The following CTNNA1 variants were observed in gnomAD, a reference collection of about 807,000 sequenced individuals.
CTNNA1 encodes the protein catenin alpha 1.
CTNNA1 carries 37 observed loss-of-function variants against 98.4 expected under a neutral mutation model. The ratio of observed to expected loss-of-function variants is 0.38; its 90% confidence interval spans 0.29 to 0.49. The LOEUF (loss-of-function observed/expected upper bound fraction) is 0.49. Ranked by LOEUF, CTNNA1 falls within the 20% of genes least tolerant of loss-of-function variation. The pLI, the probability that CTNNA1 is intolerant of heterozygous loss-of-function variation, is 0.95. For missense variants in CTNNA1, 761 were observed against 1,147.2 expected (o/e 0.66, Z 4.86); for synonymous variants, 404 against 413.2 (o/e 0.98, Z 0.27).
At chr5:138,852,592 GACTTA>G (rs902999340) in intron 7 of CTNNA1, among the ~76,000 whole-genome samples, 17 of 152,084 alleles carry the variant, frequency 1.1e-4, no homozygotes, top group African/African-American at 3.4e-4. Flanking sequence ...TAAGAAATTA[GACTTA>G]ACTTTAACAT....
chr5:138,934,129 GA>G lies in CTNNA1; in HGVS notation c.*42del. ...GCCGCCCCCACCCCTCGGGGCTCCT[GA>G]ATATCAGTCACTGTTCGTCACTCAA... On this transcript the variant is annotated 3_prime_UTR_variant, in exon 18 of 18. Transcript: ENST00000302763. 6.7e-7 allele frequency: 1 copy of G among 1,497,416 alleles called. No individual in the cohort carries two copies. Among genetic ancestry groups the G allele is most frequent in the Non-Finnish European group, 9.2e-7 (1 of 1,089,326 alleles). The allele number at this position is 1,497,416 out of a possible 1,614,324, so 92.8% of individuals were successfully genotyped here. A position where few individuals can be genotyped will look rare whatever the true frequency, so the allele number is the denominator to read the frequency against.
chr5:138,827,603 C>T lies in CTNNA1; in HGVS notation c.947C>T (p.Ala316Val), dbSNP rs1161812904. 1.2e-6 allele frequency: 2 copies of T among 1,614,218 alleles called. No individual in the cohort carries two copies. The highest frequency in any genetic ancestry group is 1.7e-6 in the Non-Finnish European group (2 of 1,180,050). Reference protein sequence around the residue: ...EERLESIISGAALMADSSCTR... With the variant: ...EERLESIISGVALMADSSCTR... ...CGTCTGGAAAGCATCATTAGTGGGG[C>T]TGCCTTGATGGCCGACTCGTCCTGC... The change falls in exon 7 of 18, where the codon GCT becomes GTT. Residue 316 changes from alanine to valine, a missense_variant. Physicochemically the swap from Ala to Val is moderately conservative, Grantham distance 64. Coordinates refer to ENST00000302763, the MANE Select transcript of CTNNA1 (RefSeq NM_001903.5).
chr5:138,801,481 T>C (rs1191010267), intron 3 of CTNNA1, among the ~76,000 whole-genome samples: 2 of 152,230 alleles, frequency 1.3e-5, no homozygotes, highest in African/African-American at 4.8e-5. Context: ...AATATGCTTA[T>C]TGAACAAAAT....
chr5:138,825,981 T>C (rs1007756016), intron 6 of CTNNA1, among the ~76,000 whole-genome samples: 1 of 152,198 alleles, frequency 6.6e-6, no homozygotes, highest in Non-Finnish European at 1.5e-5. Flanking sequence ...GCTACTTAAC[T>C]TCTCAGGGAC....
chr5:138,872,230 T>G (rs191042696), intron 7 of CTNNA1: 7 of 152,744 alleles, frequency 4.6e-5, no homozygotes, highest in Non-Finnish European at 1.0e-4. Context: ...TTAAAACAGT[T>G]GTCTAAATGC....
intron 4 of CTNNA1, 143 bp downstream of exon 4, chr5:138,810,347 C>A (rs1758553980): frequency 4.9e-6 from 4 of 812,536 alleles, no homozygotes; most frequent in Admixed American, 5.3e-5. Context: ...TGTTTAATTT[C>A]CACTTACTCC....
intron 7 of CTNNA1, among the ~76,000 whole-genome samples, chr5:138,882,490 T>C (rs1203051976): frequency 6.6e-6 from 1 of 152,202 alleles, no homozygotes; most frequent in Non-Finnish European, 1.5e-5. Flanking sequence ...GATCTTTCAA[T>C]GTAGGGCACT....
intron 5 of CTNNA1, among the ~76,000 whole-genome samples, chr5:138,823,956 C>CAAAAAAAAAAAAAAAAAAAA (rs369653057): frequency 1.6e-5 from 1 of 64,392 alleles, no homozygotes; most frequent in Non-Finnish European, 3.0e-5. Context: ...GACTCCGTCT[C>CAAAAAAAAAAAAAAAAAAAA]AAAAAAAAAA....
intron 3 of CTNNA1, among the ~76,000 whole-genome samples, chr5:138,797,460 A>T (rs1022145604): frequency 6.6e-6 from 1 of 152,140 alleles, no homozygotes; most frequent in African/African-American, 2.4e-5. Flanking sequence ...AATGAAAATC[A>T]TTTCCATTAA....
At chr5:138,906,046 C>T (rs982024860) in intron 10 of CTNNA1, among the ~76,000 whole-genome samples, 1 of 150,758 alleles carries the variant, frequency 6.6e-6, no homozygotes, top group African/African-American at 2.4e-5. Context: ...TAATCCCTGA[C>T]ATTCAAGGTA....
intron 7 of CTNNA1, among the ~76,000 whole-genome samples, chr5:138,858,752 C>T (rs1052453377): frequency 1.1e-4 from 17 of 152,016 alleles, no homozygotes; most frequent in African/African-American, 2.7e-4. Flanking sequence ...CCTGCCACCA[C>T]GCCCAGCTAA....
At chr5:138,913,566 A>G (rs1272614191) in intron 10 of CTNNA1, among the ~76,000 whole-genome samples, 4 of 148,548 alleles carry the variant, frequency 2.7e-5, no homozygotes, top group Admixed American at 1.3e-4. Flanking sequence ...CCTGGGCGAT[A>G]GAGGGAGACC....
chr5:138,865,987 C>T (rs911716941), intron 7 of CTNNA1, among the ~76,000 whole-genome samples: 1 of 152,130 alleles, frequency 6.6e-6, no homozygotes, highest in Non-Finnish European at 1.5e-5. Flanking sequence ...TTTTGGCCCT[C>T]ACGATGATGA....
intron 10 of CTNNA1, among the ~76,000 whole-genome samples, chr5:138,913,771 A>G (rs767108052): frequency 6.6e-6 from 1 of 152,186 alleles, no homozygotes; most frequent in Non-Finnish European, 1.5e-5. Context: ...AATTAATAAC[A>G]TCTTGATTTT....
chr5:138,933,551 G>GT (rs551525054), intron 17 of CTNNA1, among the ~76,000 whole-genome samples: 129 of 152,352 alleles, frequency 8.5e-4, no homozygotes, highest in African/African-American at 2.8e-3. Context: ...TTGCTGAGGG[G>GT]TGGGGGTGAG....
chr5:138,887,692 G>T, intron 9 of CTNNA1, 50 bp downstream of exon 9: 1 of 1,528,742 alleles, frequency 6.5e-7, no homozygotes, highest in South Asian at 1.2e-5. Context: ...GGTGAAGTGT[G>T]GTGAGTTTTA....
chr5:138,858,169 C>T (rs1467496005), intron 7 of CTNNA1, among the ~76,000 whole-genome samples: 2 of 151,306 alleles, frequency 1.3e-5, no homozygotes, highest in Non-Finnish European at 2.9e-5. Context: ...CTCTGTTGCC[C>T]AGGCTGAAAT....
chr5:138,831,950 C>T (rs960511218), intron 7 of CTNNA1, among the ~76,000 whole-genome samples: 2 of 152,036 alleles, frequency 1.3e-5, no homozygotes, highest in African/African-American at 2.4e-5. Context: ...AGACCTTTAC[C>T]CTTATGGGCC....
intron 1 of CTNNA1, among the ~76,000 whole-genome samples, chr5:138,780,178 T>G (rs1235149339): frequency 2.6e-5 from 4 of 151,826 alleles, no homozygotes; most frequent in Non-Finnish European, 5.9e-5. Flanking sequence ...AAGATTTTAT[T>G]TTATTTATTT....
Sources: gnomAD v4.1 joint callset for allele counts (sites outside exome capture counted in the v4.1 genomes callset) on GRCh38, gnomAD v4.1.1 for gene constraint, MANE v1.5 for transcripts, NCBI Gene and HGNC (gene_info 2026-07-23, HGNC 2026-07-21) for gene names.